Variants in CPED1 observed in about 807,000 individuals in gnomAD.
CPED1 encodes cadherin-like and PC-esterase domain-containing protein 1.
Under a neutral mutation model 128.2 loss-of-function variants are expected in CPED1, and 114 were observed. The observed-to-expected ratio is 0.89, with a 90% CI of 0.76 to 1.04. The LOEUF (loss-of-function observed/expected upper bound fraction) is 1.04, where lower values mean the gene tolerates loss of function less well. CPED1 is among the 50% of genes least tolerant of loss of function. The pLI, the probability that CPED1 is intolerant of heterozygous loss-of-function variation, is 0.00. For synonymous variants in CPED1, 462 were observed against 426.7 expected (o/e 1.08, Z -1.02); for missense variants, 1,211 against 1,207.1 (o/e 1.00, Z -0.05).
intron 3 of CPED1, among the ~76,000 whole-genome samples, chr7:121,024,528 G>T (rs1348482841): frequency 6.6e-6 from 1 of 152,008 alleles, no homozygotes; most frequent in African/African-American, 2.4e-5. Context: ...AACCAGACTG[G>T]GTATTTAAAT....
chr7:121,258,777 C>T (rs1562853759), intron 18 of CPED1, among the ~76,000 whole-genome samples: 2 of 152,042 alleles, frequency 1.3e-5, no homozygotes, highest in Non-Finnish European at 2.9e-5. Context: ...AGTTGCCTTC[C>T]TGAAGACTTT....
In CPED1 at chr7:121,060,406, C is replaced by G. The variant is rs193148558; in HGVS notation, c.541-3832C>G. Among the ~76,000 whole-genome samples, 132 of 152,378 alleles carry G rather than the reference C, an allele frequency of 8.7e-4. No homozygotes were observed. The Middle Eastern group carries it at 0.02, about 24-fold the overall frequency. On this transcript the variant is annotated intron_variant, in intron 4 of 22. Transcript: ENST00000310396. ...GGTGAAGCCAGCTGAGCTCCTGAGT[C>G]TGGTGGGGACGTGGAGAATCTTCAT...
intron 16 of CPED1, among the ~76,000 whole-genome samples, chr7:121,173,077 G>C (rs1796691634): frequency 6.6e-6 from 1 of 151,906 alleles, no homozygotes; most frequent in African/African-American, 2.4e-5. Context: ...ACAGGGGGTT[G>C]GTATCTTATC....
At chr7:121,091,428 C>A (rs1333432075) in intron 5 of CPED1, among the ~76,000 whole-genome samples, 1 of 152,080 alleles carries the variant, frequency 6.6e-6, no homozygotes, top group African/African-American at 2.4e-5. Flanking sequence ...TTAAGAATGC[C>A]ATAAGAGGAT....
chr7:121,081,282 A>C (rs555724817), intron 5 of CPED1, among the ~76,000 whole-genome samples: 7 of 152,276 alleles, frequency 4.6e-5, no homozygotes, highest in African/African-American at 1.4e-4. Flanking sequence ...AGAATCTTAG[A>C]GTCTTTCATT....
intron 13 of CPED1, among the ~76,000 whole-genome samples, chr7:121,134,159 T>C (rs2051161233): frequency 6.6e-6 from 1 of 151,998 alleles, no homozygotes; most frequent in South Asian, 2.1e-4. Flanking sequence ...CTACACGCAA[T>C]AGCCAAGATA....
chr7:121,219,608 G>A (rs1797832897), intron 16 of CPED1, among the ~76,000 whole-genome samples: 1 of 151,872 alleles, frequency 6.6e-6, no homozygotes, highest in Non-Finnish European at 1.5e-5. Context: ...TTCTTTCACA[G>A]TATAATGAAT....
intron 22 of CPED1, among the ~76,000 whole-genome samples, chr7:121,278,797 C>T (rs1262143223): frequency 6.6e-6 from 1 of 152,044 alleles, no homozygotes; most frequent in East Asian, 1.9e-4. Flanking sequence ...AGGTCTCTCT[C>T]TTAAGAAGGA....
chr7:121,092,419 A>G (rs762455322), intron 5 of CPED1, among the ~76,000 whole-genome samples: 2 of 152,196 alleles, frequency 1.3e-5, no homozygotes, highest in Non-Finnish European at 2.9e-5. Context: ...GTATAGATTT[A>G]TCTGAGATCC....
chr7:121,128,301 T>A (rs914415868), intron 10 of CPED1, 81 bp from the exon 11 acceptor site: 1 of 745,802 alleles, frequency 1.3e-6, no homozygotes, highest in Non-Finnish European at 2.4e-6. Flanking sequence ...ATCTGATTGG[T>A]TGATGAAATG....
intron 16 of CPED1, among the ~76,000 whole-genome samples, chr7:121,154,442 C>T (rs1012313662): frequency 2.0e-5 from 3 of 151,660 alleles, no homozygotes; most frequent in South Asian, 2.1e-4. Context: ...TCATACATGG[C>T]CTTTATTTTT....
intron 5 of CPED1, among the ~76,000 whole-genome samples, chr7:121,076,809 G>C (rs916644991): frequency 2.6e-5 from 4 of 152,018 alleles, no homozygotes; most frequent in Non-Finnish European, 4.4e-5. Flanking sequence ...CTTCTCCACG[G>C]ATCTTGTAAA....
chr7:121,189,677 G>T (rs1471456679), intron 16 of CPED1, among the ~76,000 whole-genome samples: 1 of 147,614 alleles, frequency 6.8e-6, no homozygotes, highest in Admixed American at 6.8e-5. Flanking sequence ...TTTGCCCATA[G>T]GTGATTTTTA....
At chr7:121,038,022 T>G (rs1366036274) in intron 3 of CPED1, among the ~76,000 whole-genome samples, 1 of 152,182 alleles carries the variant, frequency 6.6e-6, no homozygotes, top group Non-Finnish European at 1.5e-5. Flanking sequence ...GTTTACCAGT[T>G]CTAGAATCTT....
chr7:121,244,411 C>T lies in CPED1; in HGVS notation c.2310+73C>T, dbSNP rs1798476636. 5 of 1,494,222 alleles carry T rather than the reference C, an allele frequency of 3.3e-6. No homozygotes were observed. The South Asian group carries it at 3.6e-5, about 11-fold the overall frequency. 92.6% of individuals were successfully genotyped at this position (1,494,222 alleles called of 1,614,324 possible). A position where few individuals can be genotyped will look rare whatever the true frequency, so the allele number is the denominator to read the frequency against. On this transcript the variant is annotated intron_variant, in intron 18 of 22. Transcript: ENST00000310396. Reference sequence around the variant, plus strand: ...AGTACTAAAAATCGTATAGTTGTATCTACTAGACCAATTCCTGCTGTCTCA... The same window carrying T: ...AGTACTAAAAATCGTATAGTTGTATTTACTAGACCAATTCCTGCTGTCTCA...
At chr7:121,179,211 G>C (rs1181705941) in intron 16 of CPED1, among the ~76,000 whole-genome samples, 1 of 152,096 alleles carries the variant, frequency 6.6e-6, no homozygotes, top group Non-Finnish European at 1.5e-5. Context: ...AAGATGAACT[G>C]TTCCCCTAGA....
chr7:121,288,946 T>G (rs1222306761), intron 22 of CPED1, among the ~76,000 whole-genome samples: 3 of 152,232 alleles, frequency 2.0e-5, no homozygotes, highest in Non-Finnish European at 4.4e-5. Context: ...ATCTTGCTGT[T>G]GAGTACAAAC....
chr7:121,141,069 G>A (rs1270231116), intron 15 of CPED1, 56 bp downstream of exon 15: 1 of 1,389,046 alleles, frequency 7.2e-7, no homozygotes, highest in Admixed American at 2.9e-5. Flanking sequence ...GTAGACATTT[G>A]ATGCAAACTT....
intron 11 of CPED1, among the ~76,000 whole-genome samples, 167 bp downstream of exon 11, chr7:121,128,653 A>G (rs1456989768): frequency 3.3e-5 from 5 of 152,168 alleles, no homozygotes; most frequent in Non-Finnish European, 7.4e-5. Flanking sequence ...AATGAGCAAG[A>G]TTTATATGCA....
Sources: gnomAD v4.1 joint callset for allele counts (sites outside exome capture counted in the v4.1 genomes callset) on GRCh38, gnomAD v4.1.1 for gene constraint, MANE v1.5 for transcripts, NCBI Gene and HGNC (gene_info 2026-07-23, HGNC 2026-07-21) for gene names.